GNPTAB: variants seen among roughly 807,000 people sequenced by gnomAD.
GNPTAB encodes the protein N-acetylglucosamine-1-phosphate transferase subunits alpha and beta, also known as N-acetylglucosamine-1-phosphotransferase subunits alpha/beta.
Under a neutral mutation model 136.6 loss-of-function variants are expected in GNPTAB, and 92 were observed. The ratio of observed to expected loss-of-function variants is 0.67; its 90% CI spans 0.57 to 0.80. The LOEUF (loss-of-function observed/expected upper bound fraction) is 0.80. GNPTAB is among the 30% of genes least tolerant of loss of function. The probability of loss-of-function intolerance (pLI) is 0.00; values close to 1 mark genes in which losing one functional copy is unlikely to be tolerated. For missense variants in GNPTAB, 1,343 were observed against 1,501.8 expected (o/e 0.89, Z 1.75); for synonymous variants, 512 against 535.1 (o/e 0.96, Z 0.60).
intron 1 of GNPTAB, among the ~76,000 whole-genome samples, chr12:101,817,050 T>C (rs1303935527): frequency 6.6e-6 from 1 of 152,022 alleles, no homozygotes; most frequent in East Asian, 1.9e-4. Flanking sequence ...GAAAGGGTAG[T>C]GGGGGCAGTG....
chr12:101,768,062 G>A lies in GNPTAB; in HGVS notation c.1383C>T (p.Cys461=), dbSNP rs377176041. The A allele has an allele frequency of 2.3e-5, 37 of 1,613,984 alleles. No homozygotes were observed. The Middle Eastern group carries it at 8.2e-4, about 36-fold the overall frequency. The change falls in exon 11 of 21, where the codon TGC becomes TGT. Residue 461 remains cysteine (C), a synonymous_variant. Transcript: ENST00000299314. The part of the protein sequence containing the change: ...YCDKACNNSA[C]DWDGGDCSGN... ...CAGAGCAATCCCCACCATCCCAATCGCAGGCTGAATTATTACAAGCCTTGT... is the reference window on the plus strand; with the variant it reads ...CAGAGCAATCCCCACCATCCCAATCACAGGCTGAATTATTACAAGCCTTGT...
intron 1 of GNPTAB, among the ~76,000 whole-genome samples, chr12:101,799,673 C>T (rs947788331): frequency 2.0e-5 from 3 of 152,186 alleles, no homozygotes; most frequent in African/African-American, 4.8e-5. Context: ...AGTTCTTTTA[C>T]TGGACTGGTT....
At chr12:101,795,536 T>C (rs1869228962) in intron 2 of GNPTAB, among the ~76,000 whole-genome samples, 1 of 152,122 alleles carries the variant, frequency 6.6e-6, no homozygotes. Context: ...GTGGATCACC[T>C]GAGGTCAGGA....
intron 6 of GNPTAB, 120 bp from the exon 7 acceptor site, chr12:101,780,406 A>G: frequency 1.7e-6 from 2 of 1,201,278 alleles, no homozygotes; most frequent in South Asian, 1.3e-5. Flanking sequence ...TATGATTTTT[A>G]GGATTACTTG....
chr12:101,800,438 A>C (rs1196506442), intron 1 of GNPTAB, among the ~76,000 whole-genome samples: 5 of 151,838 alleles, frequency 3.3e-5, no homozygotes, highest in African/African-American at 1.2e-4. Flanking sequence ...CATCCTGGAG[A>C]TCTTTTGGGT....
At chr12:101,828,585 G>A (rs1217255702) in intron 1 of GNPTAB, among the ~76,000 whole-genome samples, 1 of 151,740 alleles carries the variant, frequency 6.6e-6, no homozygotes, top group Non-Finnish European at 1.5e-5. Context: ...CGTGAACCCA[G>A]GAGGCGAGAC....
Position 101,771,076 on chromosome 12 carries a change from T to C in GNPTAB, c.853A>G (p.Lys285Glu). The change falls in exon 8 of 21, where the codon AAG (lysine) becomes GAG (glutamate). Residue 285 changes from lysine (K) to glutamate (E), a missense_variant. Physicochemically the swap from Lys to Glu is moderately conservative, Grantham distance 56. Coordinates refer to ENST00000299314, the MANE Select transcript of GNPTAB (RefSeq NM_024312.5). ...TTTCCATCAATGGTCATGTTCTTCT[T>C]AGTTTGCTTATTCAATTCTTGAAAA... ...KDFQELNKQT[K>E]KNMTIDGKEL... 3.1e-6 allele frequency: 5 copies of C among 1,613,896 alleles called. No homozygotes were observed. The highest frequency in any genetic ancestry group is 1.3e-5 in the African/African-American group (1 of 75,056).
rs1315154760 is a variant in GNPTAB, at chr12:101,830,717, G to T, written c.-42C>A. On this transcript the variant is annotated 5_prime_UTR_variant, in exon 1 of 21. Coordinates refer to ENST00000299314, the MANE Select transcript of GNPTAB (RefSeq NM_024312.5). ...CGCCACGCCCCGAGGAGCCTGAGCCGCCGCCGCCGCCGCCGCCGCCTCAGC... is the reference window on the plus strand; with the variant it reads ...CGCCACGCCCCGAGGAGCCTGAGCCTCCGCCGCCGCCGCCGCCGCCTCAGC... The T allele has an allele frequency of 2.0e-5, 19 of 927,884 alleles. No homozygotes were observed. The Admixed American group carries it at 2.3e-4, about 11-fold the overall frequency. The allele number at this position is 927,884 out of a possible 1,614,324, so 57.5% of individuals were successfully genotyped here.
chr12:101,761,225 C>A lies in GNPTAB; in HGVS notation c.3037G>T (p.Val1013Phe). The change falls in exon 15 of 21, where the codon GTC becomes TTC. Residue 1013 changes from valine (V) to phenylalanine (F), a missense_variant. By Grantham distance (50) the Val-to-Phe change is conservative. Transcript: ENST00000299314. ...TGATCTGTATCAACTTCATCAAAGA[C>A]TTGAGATATATTCAGTGGCTGCACT... ...SAVQPLNISQ[V>F]FDEVDTDQSG... is the part of the protein sequence containing the mutation. 1 of 1,613,926 alleles carries A rather than the reference C, an allele frequency of 6.2e-7. No individual in the cohort carries two copies. Among genetic ancestry groups the A allele is most frequent in the Non-Finnish European group, 8.5e-7 (1 of 1,179,776 alleles).
At chr12:101,757,499 T>C in intron 17 of GNPTAB, 73 bp downstream of exon 17, 1 of 864,584 alleles carries the variant, frequency 1.2e-6, no homozygotes, top group Non-Finnish European at 2.0e-6. Flanking sequence ...CAAAATATTG[T>C]AGAATTATAA....
At chr12:101,823,233 G>A (rs1465448015) in intron 1 of GNPTAB, among the ~76,000 whole-genome samples, 3 of 152,154 alleles carry the variant, frequency 2.0e-5, no homozygotes, top group Admixed American at 6.5e-5. Context: ...GAACAAGGCC[G>A]AGTCTTAGGA....
At position 101,780,572 on chromosome 12, in the gene GNPTAB, T is replaced by C. The variant is rs949926271; in HGVS notation, c.621A>G (p.Val207=). The part of the protein sequence containing the change: ...GLLKGNSRQT[V]WRGYLTTDKE... Reference sequence around the variant, plus strand: ...AATAACATACCAAGTAGCCCCTCCATACTGTCTGTCTGCTATTTCCTTTAA... The same window carrying C: ...AATAACATACCAAGTAGCCCCTCCACACTGTCTGTCTGCTATTTCCTTTAA... Residue 207 remains valine (V), a synonymous_variant, in exon 6 of 21, where the codon GTA becomes GTG. Coordinates refer to ENST00000299314, the MANE Select transcript of GNPTAB (RefSeq NM_024312.5). 6.2e-7 allele frequency: 1 copy of C among 1,609,646 alleles called. No homozygotes were observed. The highest frequency in any genetic ancestry group is 8.5e-7 in the Non-Finnish European group (1 of 1,176,348).
chr12:101,757,109 G>A (rs961273093), intron 18 of GNPTAB, 103 bp downstream of exon 18: 4 of 691,542 alleles, frequency 5.8e-6, no homozygotes, highest in African/African-American at 1.8e-5. Flanking sequence ...TGCACTGTTA[G>A]GCCTTTTGGT....
intron 1 of GNPTAB, among the ~76,000 whole-genome samples, chr12:101,815,352 T>C (rs1459197517): frequency 1.3e-5 from 2 of 152,242 alleles, no homozygotes; most frequent in Non-Finnish European, 2.9e-5. Context: ...AACAGCTCAC[T>C]GTTAAATGCT....
At chr12:101,801,506 CT>C (rs1869620991) in intron 1 of GNPTAB, among the ~76,000 whole-genome samples, 1 of 124,312 alleles carries the variant, frequency 8.0e-6, no homozygotes, top group Non-Finnish European at 1.6e-5. Flanking sequence ...TGCCACTGCA[CT>C]CTAGCCTGGG....
intron 1 of GNPTAB, among the ~76,000 whole-genome samples, chr12:101,811,937 C>T (rs1008869964): frequency 1.6e-4 from 24 of 150,086 alleles, no homozygotes; most frequent in African/African-American, 5.4e-4. Flanking sequence ...TGCGTCCGGC[C>T]GGTGCTACAC....
At chr12:101,769,776 T>A (rs557622217) in intron 10 of GNPTAB, among the ~76,000 whole-genome samples, 1 of 151,106 alleles carries the variant, frequency 6.6e-6, no homozygotes, top group South Asian at 2.1e-4. Flanking sequence ...TACATGAGTA[T>A]TCCACCGGGC....
At chr12:101,792,534 T>C (rs751788407) in intron 2 of GNPTAB, among the ~76,000 whole-genome samples, 3 of 152,230 alleles carry the variant, frequency 2.0e-5, no homozygotes, top group African/African-American at 7.2e-5. Context: ...TGTCCAAAGA[T>C]GAAACGAACT....
At chr12:101,782,412 GTA>G (rs200043245) in intron 5 of GNPTAB, among the ~76,000 whole-genome samples, 2,450 of 152,204 alleles carry the variant, frequency 0.016, 69 homozygotes, top group African/African-American at 0.056. Context: ...TTAAACAGAA[GTA>G]AAGTACGTCG....
Sources: gnomAD v4.1 joint callset for allele counts (sites outside exome capture counted in the v4.1 genomes callset) on GRCh38, gnomAD v4.1.1 for gene constraint, MANE v1.5 for transcripts, NCBI Gene and HGNC (gene_info 2026-07-23, HGNC 2026-07-21) for gene names.